The following NHLRC2 variants were observed in gnomAD, a reference collection of about 807,000 sequenced individuals.
NHLRC2 encodes the protein NHL repeat-containing protein 2.
NHLRC2 carries 33 observed loss-of-function variants against 68.1 expected under a neutral mutation model. That is an observed-to-expected ratio of 0.48 (90% confidence interval 0.37 to 0.65). NHLRC2 has a LOEUF of 0.65. Ranked by LOEUF, NHLRC2 falls within the 30% of genes least tolerant of loss-of-function variation. NHLRC2 has a pLI of 0.00. For synonymous variants in NHLRC2, 311 were observed against 309.6 expected (o/e 1.00, Z -0.05); for missense variants, 761 against 853.8 (o/e 0.89, Z 1.35).
intron 5 of NHLRC2, among the ~76,000 whole-genome samples, chr10:113,895,959 C>G (rs1357373132): frequency 6.6e-6 from 1 of 152,142 alleles, no homozygotes; most frequent in Non-Finnish European, 1.5e-5. Flanking sequence ...TGAACCTCCA[C>G]AATGAGATAC....
Position 113,855,464 on chromosome 10 carries a change from G to C in NHLRC2, c.178+414G>C, listed in dbSNP as rs545648896. ...ATCACTTTTTCATGTATCACACACA[G>C]GGTTTTTTTTTGTTTTTTTTTGATA... On this transcript the variant is annotated intron_variant, in intron 1 of 10. Coordinates refer to ENST00000369301, the MANE Select transcript of NHLRC2 (RefSeq NM_198514.4). 1.8e-4 allele frequency among the ~76,000 whole-genome samples: 27 copies of C among 151,910 alleles called. 1 individual carries two copies. Among genetic ancestry groups the C allele is most frequent in the African/African-American group, 6.0e-4 (25 of 41,402 alleles).
intron 6 of NHLRC2, among the ~76,000 whole-genome samples, chr10:113,898,917 G>A (rs966904777): frequency 3.0e-4 from 46 of 152,120 alleles, no homozygotes; most frequent in Non-Finnish European, 4.9e-4. Flanking sequence ...AACATGTACA[G>A]TAAACATAGG....
At position 113,912,700 on chromosome 10, in the gene NHLRC2, A is replaced by G. The variant is rs966375613; in HGVS notation, c.*4164A>G. ...CCTCATTTGAGCTTCAAATAACCTT[A>G]TAAATCGGGCAGGTAGATGTTAGTT... On this transcript the variant is annotated 3_prime_UTR_variant, in exon 11 of 11. Coordinates refer to ENST00000369301, the MANE Select transcript of NHLRC2 (RefSeq NM_198514.4). The G allele has an allele frequency of 2.6e-5, 4 of 152,238 alleles. No homozygotes were observed. Among genetic ancestry groups the G allele is most frequent in the Admixed American group, 2.0e-4 (3 of 15,276 alleles). The allele number at this position is 152,238 out of a possible 1,614,324, so 9.4% of individuals were successfully genotyped here.
At chr10:113,894,370 A>G (rs1846159427) in intron 5 of NHLRC2, among the ~76,000 whole-genome samples, 1 of 152,104 alleles carries the variant, frequency 6.6e-6, no homozygotes, top group East Asian at 1.9e-4. Context: ...TAGGTGTTTG[A>G]TGTTTTTGAA....
chr10:113,895,295 C>A (rs1846166894), intron 5 of NHLRC2, among the ~76,000 whole-genome samples: 1 of 152,172 alleles, frequency 6.6e-6, no homozygotes, highest in Non-Finnish European at 1.5e-5. Flanking sequence ...TTGGCATGTG[C>A]CAGGCACTAT....
intron 2 of NHLRC2, among the ~76,000 whole-genome samples, chr10:113,875,133 G>A (rs1175058387): frequency 2.6e-5 from 4 of 151,788 alleles, no homozygotes; most frequent in South Asian, 2.1e-4. Context: ...TATCCTGGAC[G>A]TTGGAATGTG....
chr10:113,908,672 T>C lies in NHLRC2; in HGVS notation c.*136T>C, dbSNP rs1846296717. 4 of 745,520 alleles carry C rather than the reference T, an allele frequency of 5.4e-6. 1 individual carries two copies. The South Asian group carries it at 5.5e-5, about 10-fold the overall frequency. 46.2% of individuals were successfully genotyped at this position (745,520 alleles called of 1,614,324 possible). ...CATTGCTCAGTTCAGACAACTGATA[T>C]TAAAATAAAGCTATGCTCCTTACTT... On this transcript the variant is annotated 3_prime_UTR_variant, in exon 11 of 11. Transcript: ENST00000369301.
At chr10:113,869,042 A>G (rs1046577074) in intron 2 of NHLRC2, among the ~76,000 whole-genome samples, 1 of 152,372 alleles carries the variant, frequency 6.6e-6, no homozygotes, top group Non-Finnish European at 1.5e-5. Flanking sequence ...TTTCTGCAAC[A>G]AGGTGACATG....
rs1295379139 is a variant in NHLRC2 at position 113,915,197 on chromosome 10, T to C, written c.*6661T>C. 2.2e-6 allele frequency: 1 copy of C among 456,238 alleles called. No homozygotes were observed. The highest frequency in any genetic ancestry group is 4.4e-6 in the Non-Finnish European group (1 of 226,992). 28.3% of individuals were successfully genotyped at this position (456,238 alleles called of 1,614,324 possible). A position where few individuals can be genotyped will look rare whatever the true frequency, so the allele number is the denominator to read the frequency against. ...GCTTTCAAGTGTACCAAAGGACATT[T>C]TGTTCTGTTGAAAGCCACAGGACCA... On this transcript the variant is annotated 3_prime_UTR_variant, in exon 11 of 11. Coordinates refer to ENST00000369301, the MANE Select transcript of NHLRC2 (RefSeq NM_198514.4).
intron 6 of NHLRC2, among the ~76,000 whole-genome samples, chr10:113,899,719 A>G (rs901370022): frequency 1.3e-5 from 2 of 152,086 alleles, no homozygotes; most frequent in African/African-American, 2.4e-5. Context: ...GTAGTTCGAG[A>G]CCAGAATGAC....
At chr10:113,906,246 A>T (rs1846274078) in intron 10 of NHLRC2, among the ~76,000 whole-genome samples, 1 of 152,126 alleles carries the variant, frequency 6.6e-6, no homozygotes, top group Non-Finnish European at 1.5e-5. Context: ...CAGACACACT[A>T]ATTAATATTG....
At chr10:113,879,749 A>G in intron 4 of NHLRC2, 54 bp downstream of exon 4, 1 of 1,132,286 alleles carries the variant, frequency 8.8e-7, no homozygotes. Context: ...AAGGAAATGT[A>G]TTTGCTACAT....
chr10:113,873,933 A>G (rs1845953716), intron 2 of NHLRC2, among the ~76,000 whole-genome samples: 1 of 152,104 alleles, frequency 6.6e-6, no homozygotes, highest in Non-Finnish European at 1.5e-5. Flanking sequence ...ATTTTCTTAG[A>G]TGTATCTTTT....
intron 2 of NHLRC2, among the ~76,000 whole-genome samples, chr10:113,868,897 A>G (rs1845895851): frequency 1.3e-5 from 2 of 152,204 alleles, no homozygotes; most frequent in African/African-American, 4.8e-5. Flanking sequence ...TGCCAACCCT[A>G]TAAAGCAAAA....
At position 113,912,360 on chromosome 10, in the gene NHLRC2, A is replaced by G. The variant is rs1193218850; in HGVS notation, c.*3824A>G. On this transcript the variant is annotated 3_prime_UTR_variant, in exon 11 of 11. Transcript: ENST00000369301. The stretch of plus-strand genomic sequence containing the variant: ...TGTGAAGGAAAATCTCCCACTAACT[A>G]TTGGTTATGTTAATATTCTTCATAG... 2.0e-5 allele frequency: 3 copies of G among 152,198 alleles called. No homozygotes were observed. The highest frequency in any genetic ancestry group is 7.2e-5 in the African/African-American group (3 of 41,450). The allele number at this position is 152,198 out of a possible 1,614,324, so 9.4% of individuals were successfully genotyped here.
At chr10:113,862,917 G>C (rs1314396196) in intron 2 of NHLRC2, among the ~76,000 whole-genome samples, 1 of 152,180 alleles carries the variant, frequency 6.6e-6, no homozygotes, top group East Asian at 1.9e-4. Context: ...GAGGCAGGAA[G>C]ATCACTTGAG....
At chr10:113,874,720 C>T (rs191158545) in intron 2 of NHLRC2, among the ~76,000 whole-genome samples, 1 of 151,620 alleles carries the variant, frequency 6.6e-6, no homozygotes, top group African/African-American at 2.4e-5. Flanking sequence ...TCCACAGGTC[C>T]CTGAGGTTCT....
chr10:113,908,896 A>G lies in NHLRC2; in HGVS notation c.*360A>G, dbSNP rs2134745021. On this transcript the variant is annotated 3_prime_UTR_variant, in exon 11 of 11. Coordinates refer to ENST00000369301, the MANE Select transcript of NHLRC2 (RefSeq NM_198514.4). ...CCAGATATTTTAACTAACTTTTTCT[A>G]CCTTTATTAATAGCAATCAGCACAC... is the stretch of plus-strand genomic sequence containing the variant. 1 of 178,750 alleles carries G rather than the reference A, an allele frequency of 5.6e-6. No individual in the cohort carries two copies. The highest frequency in any genetic ancestry group is 1.2e-5 in the Non-Finnish European group (1 of 84,338). The allele number at this position is 178,750 out of a possible 1,614,324, so 11.1% of individuals were successfully genotyped here.
chr10:113,860,914 C>G (rs564673217), intron 2 of NHLRC2, among the ~76,000 whole-genome samples: 1 of 152,040 alleles, frequency 6.6e-6, no homozygotes, highest in Admixed American at 6.5e-5. Flanking sequence ...TATGATGATT[C>G]GACTTAAAAT....
Sources: allele counts gnomAD v4.1 joint callset (sites outside exome capture counted in the v4.1 genomes callset), GRCh38; gene constraint gnomAD v4.1.1; transcripts MANE v1.5; gene names NCBI Gene and HGNC (gene_info 2026-07-23, HGNC 2026-07-21).